The following MC2R variants were observed in gnomAD, a reference collection of about 807,000 sequenced individuals.
The protein encoded by MC2R is adrenocorticotropic hormone receptor.
MC2R carries 9 observed loss-of-function variants against 9.8 expected under a neutral mutation model. That is an observed-to-expected ratio of 0.92 (90% CI 0.55 to 1.60). MC2R has a LOEUF of 1.60. MC2R is among the 40% of genes most tolerant of loss of function. The pLI is 0.00. For missense variants in MC2R, 370 were observed against 389.0 expected (o/e 0.95, Z 0.41); for synonymous variants, 185 against 154.7 (o/e 1.20, Z -1.45).
chr18:13,888,336 T>A (rs889729284), intron 1 of MC2R, among the ~76,000 whole-genome samples: 4 of 152,072 alleles, frequency 2.6e-5, no homozygotes, highest in Non-Finnish European at 4.4e-5. Flanking sequence ...GCCAAGCTGG[T>A]GGTGGGGGCT....
At chr18:13,900,805 C>T (rs1305502641) in intron 1 of MC2R, among the ~76,000 whole-genome samples, 1 of 152,094 alleles carries the variant, frequency 6.6e-6, no homozygotes, top group Non-Finnish European at 1.5e-5. Flanking sequence ...TAGCTGGAGA[C>T]TTCAACACAC....
intron 1 of MC2R, among the ~76,000 whole-genome samples, chr18:13,904,579 A>G (rs1845829280): frequency 6.6e-6 from 1 of 150,950 alleles, no homozygotes; most frequent in Non-Finnish European, 1.5e-5. Flanking sequence ...AAAAGGAAAA[A>G]AGCTGGAAGT....
chr18:13,907,242 G>T (rs190732547), intron 1 of MC2R, among the ~76,000 whole-genome samples: 2 of 152,210 alleles, frequency 1.3e-5, no homozygotes, highest in East Asian at 1.9e-4. Context: ...ACTCACCTTC[G>T]ACAAAGGTGC....
intron 1 of MC2R, among the ~76,000 whole-genome samples, chr18:13,914,642 G>C (rs765122846): frequency 1.3e-5 from 2 of 152,194 alleles, no homozygotes; most frequent in Non-Finnish European, 2.9e-5. Flanking sequence ...GCACGTGTAT[G>C]TGTGTATATG....
Position 13,883,441 on chromosome 18 carries a change from CTTTCACATTCA to C in MC2R, c.*1173_*1183del, listed in dbSNP as rs2149134148. 1 of 152,326 alleles carries C rather than the reference CTTTCACATTCA, an allele frequency of 6.6e-6. No individual in the cohort carries two copies. Among genetic ancestry groups the C allele is most frequent in the South Asian group, 2.1e-4 (1 of 4,826 alleles). 9.4% of individuals were successfully genotyped at this position (152,326 alleles called of 1,614,324 possible). On this transcript the variant is annotated 3_prime_UTR_variant, in exon 2 of 2. Coordinates refer to ENST00000327606, the MANE Select transcript of MC2R (RefSeq NM_000529.2). ...TGACATTTCCCAGTGACTGGGTCTG[CTTTCACATTCA>C]TCTGCAGAATGAGGTGGTGTTTGCC...
At chr18:13,907,540 A>G (rs561817951) in intron 1 of MC2R, among the ~76,000 whole-genome samples, 1 of 152,350 alleles carries the variant, frequency 6.6e-6, no homozygotes, top group Admixed American at 6.5e-5. Flanking sequence ...ACCAAGATAG[A>G]AAGCTTCTGC....
rs901808302 is a variant in MC2R at position 13,894,519 on chromosome 18, C to T, written c.-128-8873G>A. Among the ~76,000 whole-genome samples, 8 of 152,184 alleles carry T rather than the reference C, an allele frequency of 5.3e-5. No homozygotes were observed. The East Asian group carries it at 9.6e-4, about 18-fold the overall frequency. ...TACAGGCTGTGGTCTGGATTCTATGCGATAACGTATGTAAATTACCAGCCC... is the reference window on the plus strand; with the variant it reads ...TACAGGCTGTGGTCTGGATTCTATGTGATAACGTATGTAAATTACCAGCCC... On this transcript the variant is annotated intron_variant, in intron 1 of 1. Transcript: ENST00000327606.
At position 13,884,955 on chromosome 18, in the gene MC2R, G is replaced by A. The variant is rs763885960; in HGVS notation, c.564C>T (p.Phe188=). ...FTSLFPLMLV[F]ILCLYVHMFL... ...ACATGTGCACATAGAGGCACAGGATGAAGACCAGCATCAGCGGGAACAGCG... is the reference window on the plus strand; with the variant it reads ...ACATGTGCACATAGAGGCACAGGATAAAGACCAGCATCAGCGGGAACAGCG... The change falls in exon 2 of 2, where the codon TTC becomes TTT. Residue 188 remains phenylalanine (F), a synonymous_variant. Transcript: ENST00000327606. 1.9e-6 allele frequency: 3 copies of A among 1,613,982 alleles called. No individual in the cohort carries two copies. In the African/African-American group the frequency reaches 4.0e-5, roughly 22 times the overall value.
At chr18:13,913,638 C>T (rs1200716122) in intron 1 of MC2R, among the ~76,000 whole-genome samples, 1 of 152,224 alleles carries the variant, frequency 6.6e-6, no homozygotes, top group Non-Finnish European at 1.5e-5. Context: ...GGTGGGTCTG[C>T]ACCAGCGCTT....
chr18:13,906,331 A>T (rs1332622594), intron 1 of MC2R, among the ~76,000 whole-genome samples: 2 of 152,218 alleles, frequency 1.3e-5, no homozygotes, highest in Non-Finnish European at 2.9e-5. Flanking sequence ...ACACAGGAAC[A>T]GAAAACCAAA....
intron 1 of MC2R, among the ~76,000 whole-genome samples, chr18:13,900,046 C>T (rs182230811): frequency 3.9e-5 from 6 of 152,034 alleles, no homozygotes; most frequent in African/African-American, 1.4e-4. Context: ...ATAACTACAA[C>T]AAATTTTCAA....
chr18:13,885,513 C>T lies in MC2R; in HGVS notation c.6G>A (p.Lys2=). ...TGTTTTCATACGAGTTGATAATGTG[C>T]TTCATTTCTCCTGCTTGTGGTTAAG... M[K]HIINSYENIN... is the part of the protein sequence containing the mutation. Residue 2 remains lysine, a synonymous_variant, in exon 2 of 2, where the codon AAG becomes AAA. Coordinates refer to ENST00000327606, the MANE Select transcript of MC2R (RefSeq NM_000529.2). 6.2e-7 allele frequency: 1 copy of T among 1,614,136 alleles called. No homozygotes were observed. The highest frequency in any genetic ancestry group is 1.7e-5 in the Admixed American group (1 of 60,022).
At chr18:13,912,078 A>G (rs577158416) in intron 1 of MC2R, among the ~76,000 whole-genome samples, 1 of 152,224 alleles carries the variant, frequency 6.6e-6, no homozygotes, top group African/African-American at 2.4e-5. Context: ...CCCACAATGC[A>G]TGTTCAGCAA....
At chr18:13,911,043 A>G (rs1310874175) in intron 1 of MC2R, among the ~76,000 whole-genome samples, 1 of 152,260 alleles carries the variant, frequency 6.6e-6, no homozygotes, top group East Asian at 1.9e-4. Context: ...AAAAGCAGTC[A>G]GCGTGGCTCA....
Position 13,884,502 on chromosome 18 carries a change from T to A in MC2R, c.*123A>T. Reference sequence around the variant, plus strand: ...CTATTAGAAACACTAGCTGGTGGGATCATCCTTGCATCCATTAGGGAAGGA... The same window carrying A: ...CTATTAGAAACACTAGCTGGTGGGAACATCCTTGCATCCATTAGGGAAGGA... On this transcript the variant is annotated 3_prime_UTR_variant, in exon 2 of 2. Transcript: ENST00000327606. 9.4e-7 allele frequency: 1 copy of A among 1,065,284 alleles called. No individual in the cohort carries two copies. The highest frequency in any genetic ancestry group is 1.3e-5 in the South Asian group (1 of 77,876). The allele number at this position is 1,065,284 out of a possible 1,614,324, so 66.0% of individuals were successfully genotyped here.
chr18:13,885,110 G>A lies in MC2R; in HGVS notation c.409C>T (p.Arg137Trp), dbSNP rs104894660. The change falls in exon 2 of 2, where the codon CGG (arginine) becomes TGG (tryptophan). Residue 137 changes from arginine to tryptophan, a missense_variant. Transcript: ENST00000327606. ...CGCATGGTCACGATGCTGTGGTACC[G>A]CAGTGCGTGGAAGATGGTGATGTAG... ...DRYITIFHAL[R>W]YHSIVTMRRT... 31 of 1,614,132 alleles carry A rather than the reference G, an allele frequency of 1.9e-5. No homozygotes were observed. In the Admixed American group the frequency reaches 2.8e-4, roughly 15 times the overall value.
At position 13,884,638 on chromosome 18, in the gene MC2R, C is replaced by T. The variant is rs147839825; in HGVS notation, c.881G>A (p.Ser294Asn). The change falls in exon 2 of 2, where the codon AGC (serine) becomes AAC (asparagine). Residue 294 changes from serine to asparagine, a missense_variant. Ser to Asn is a conservative substitution (Grantham distance 46). Transcript: ENST00000327606. ...RDAFKKMIFC[S>N]RYW is the part of the protein sequence containing the mutation. Reference sequence around the variant, plus strand: ...GGATCAGCCATTCTACCAGTACCTGCTGCAGAAGATCATCTTTTTGAATGC... The same window carrying T: ...GGATCAGCCATTCTACCAGTACCTGTTGCAGAAGATCATCTTTTTGAATGC... The T allele has an allele frequency of 8.7e-6, 14 of 1,612,870 alleles. No individual in the cohort carries two copies. The African/African-American group carries it at 1.9e-4, about 22-fold the overall frequency.
chr18:13,908,005 A>G (rs777997440), intron 1 of MC2R, among the ~76,000 whole-genome samples: 2 of 152,194 alleles, frequency 1.3e-5, no homozygotes, highest in Non-Finnish European at 2.9e-5. Context: ...GAGCTGCCAT[A>G]TGATCCAGCA....
At chr18:13,902,773 T>A (rs1046546916) in intron 1 of MC2R, among the ~76,000 whole-genome samples, 1 of 152,116 alleles carries the variant, frequency 6.6e-6, no homozygotes, top group African/African-American at 2.4e-5. Context: ...TCCAGGACAT[T>A]GGTCTGGGCA....
Sources: gnomAD v4.1 joint callset for allele counts (sites outside exome capture counted in the v4.1 genomes callset) on GRCh38, gnomAD v4.1.1 for gene constraint, MANE v1.5 for transcripts, NCBI Gene and HGNC (gene_info 2026-07-23, HGNC 2026-07-21) for gene names.